Variants in SLC39A11 observed in about 807,000 individuals in gnomAD.
SLC39A11 encodes zinc transporter ZIP11.
SLC39A11 carries 33 observed loss-of-function variants against 36.1 expected under a neutral mutation model. That is an observed-to-expected ratio of 0.91 (90% CI 0.69 to 1.22). SLC39A11 has a LOEUF of 1.22. Among genes scored for constraint, SLC39A11 ranks in the 50% most tolerant of loss-of-function variants. The probability of loss-of-function intolerance (pLI) is 0.00; values close to 1 mark genes in which losing one functional copy is unlikely to be tolerated. For synonymous variants in SLC39A11, 166 were observed against 170.3 expected, an observed-to-expected ratio of 0.97 and a Z score of 0.20; for missense variants, 432 against 430.3, an observed-to-expected ratio of 1.00 and a Z score of -0.03.
At chr17:72,659,455 G>A (rs969706185) in intron 7 of SLC39A11, among the ~76,000 whole-genome samples, 1 of 152,144 alleles carries the variant, frequency 6.6e-6, no homozygotes, top group African/African-American at 2.4e-5. Flanking sequence ...AGATGATCTG[G>A]CGGGGTGAGC....
At chr17:72,760,166 A>T (rs1358254770) in intron 6 of SLC39A11, among the ~76,000 whole-genome samples, 2 of 152,154 alleles carry the variant, frequency 1.3e-5, no homozygotes, top group Non-Finnish European at 2.9e-5. Flanking sequence ...AGCTGGGATT[A>T]CAGGCACGTG....
intron 4 of SLC39A11, among the ~76,000 whole-genome samples, chr17:72,978,548 G>A (rs1052453543): frequency 1.3e-5 from 2 of 152,122 alleles, no homozygotes; most frequent in Admixed American, 1.3e-4. Context: ...ACAGAGCTTC[G>A]GGAACTCTGT....
At chr17:72,895,864 A>T (rs2082001198) in intron 5 of SLC39A11, among the ~76,000 whole-genome samples, 2 of 152,252 alleles carry the variant, frequency 1.3e-5, no homozygotes, top group South Asian at 4.1e-4. Context: ...TATTTTATTT[A>T]ACCAAATACT....
At chr17:72,872,911 C>T (rs946471399) in intron 5 of SLC39A11, among the ~76,000 whole-genome samples, 11 of 151,804 alleles carry the variant, frequency 7.2e-5, no homozygotes, top group African/African-American at 2.2e-4. Flanking sequence ...AAAAATTAGC[C>T]GGGCGTGGTG....
chr17:72,754,763 T>C (rs1428421321), intron 6 of SLC39A11, among the ~76,000 whole-genome samples: 1 of 152,140 alleles, frequency 6.6e-6, no homozygotes, highest in East Asian at 1.9e-4. Context: ...GATGCAGTGA[T>C]GATGCAGAGA....
At chr17:73,006,571 C>A (rs1370553559) in intron 4 of SLC39A11, among the ~76,000 whole-genome samples, 2 of 152,078 alleles carry the variant, frequency 1.3e-5, no homozygotes, top group African/African-American at 4.8e-5. Flanking sequence ...GTTCACCCTG[C>A]TTTAGTTCAC....
At chr17:72,898,174 C>T (rs1304419131) in intron 5 of SLC39A11, among the ~76,000 whole-genome samples, 1 of 152,140 alleles carries the variant, frequency 6.6e-6, no homozygotes. Context: ...AGACCAGTTC[C>T]AGTGGACAGA....
At position 72,947,743 on chromosome 17, in the gene SLC39A11, C is replaced by T. The variant is rs369166939; in HGVS notation, c.430+9G>A. ...GCAAAGAGCTTGCCTGAAAGAAGCC[C>T]AGCTCTACCTATCCGGATGGAAAGT... On this transcript the variant is annotated intron_variant, in intron 5 of 9. Coordinates refer to ENST00000255559, the MANE Select transcript of SLC39A11 (RefSeq NM_139177.4). 2.5e-6 allele frequency: 4 copies of T among 1,613,648 alleles called. No individual in the cohort carries two copies. The highest frequency in any genetic ancestry group is 3.4e-6 in the Non-Finnish European group (4 of 1,180,034).
chr17:73,020,575 C>A (rs146639613), intron 4 of SLC39A11, among the ~76,000 whole-genome samples: 19 of 152,112 alleles, frequency 1.2e-4, no homozygotes, highest in African/African-American at 4.3e-4. Flanking sequence ...CAAGTGAAAT[C>A]TGAAAAGAAC....
At chr17:72,749,565 C>T (rs373444837) in intron 6 of SLC39A11, among the ~76,000 whole-genome samples, 8 of 152,144 alleles carry the variant, frequency 5.3e-5, no homozygotes, top group Non-Finnish European at 1.0e-4. Context: ...TGTGGTCAGA[C>T]GGGAATTATT....
intron 7 of SLC39A11, among the ~76,000 whole-genome samples, chr17:72,688,992 G>C (rs1233565160): frequency 6.6e-6 from 1 of 152,108 alleles, no homozygotes; most frequent in African/African-American, 2.4e-5. Flanking sequence ...CTGGTGTTCT[G>C]TTTCCCCCCA....
intron 5 of SLC39A11, among the ~76,000 whole-genome samples, chr17:72,913,591 G>A (rs2083149944): frequency 6.6e-6 from 1 of 152,136 alleles, no homozygotes; most frequent in African/African-American, 2.4e-5. Context: ...GAGAGGTAGA[G>A]ATTTGGACTA....
At chr17:72,809,571 A>G (rs79871385) in intron 6 of SLC39A11, among the ~76,000 whole-genome samples, 1,888 of 152,216 alleles carry the variant, frequency 0.012, 53 homozygotes, top group African/African-American at 0.04. Context: ...CCATGGTTCA[A>G]ATATCTGAGG....
intron 4 of SLC39A11, among the ~76,000 whole-genome samples, chr17:73,021,166 C>T (rs567640529): frequency 2.0e-5 from 3 of 152,254 alleles, no homozygotes; most frequent in Admixed American, 2.0e-4. Flanking sequence ...ACACTACCAG[C>T]ACCACGATCA....
intron 3 of SLC39A11, among the ~76,000 whole-genome samples, chr17:73,053,614 G>A (rs891302013): frequency 2.0e-5 from 3 of 152,194 alleles, no homozygotes; most frequent in African/African-American, 7.2e-5. Flanking sequence ...GGCTTACAAA[G>A]TCTAGCTAAC....
At chr17:72,736,304 A>C (rs1190927513) in intron 7 of SLC39A11, among the ~76,000 whole-genome samples, 1 of 152,146 alleles carries the variant, frequency 6.6e-6, no homozygotes, top group African/African-American at 2.4e-5. Context: ...AGACAAAGGG[A>C]GGGCTTCAAA....
At chr17:73,068,461 C>T (rs559921754) in intron 3 of SLC39A11, among the ~76,000 whole-genome samples, 2 of 152,106 alleles carry the variant, frequency 1.3e-5, no homozygotes, top group Admixed American at 6.5e-5. Context: ...GGAGACCACC[C>T]CAACACATGC....
chr17:73,088,830 G>C (rs763848887), intron 1 of SLC39A11, 55 bp from the exon 2 acceptor site: 2 of 1,328,582 alleles, frequency 1.5e-6, no homozygotes, highest in South Asian at 2.5e-5. Context: ...AGTGACAGGC[G>C]CATATTCTGA....
At chr17:73,067,943 A>T in intron 3 of SLC39A11, 1 of 1,601,668 alleles carries the variant, frequency 6.2e-7, no homozygotes, top group Non-Finnish European at 8.5e-7. Context: ...GAGAGTTCCA[A>T]CTTCTTGGTC....
Sources: gnomAD v4.1 joint callset for allele counts (sites outside exome capture counted in the v4.1 genomes callset) on GRCh38, gnomAD v4.1.1 for gene constraint, MANE v1.5 for transcripts, NCBI Gene and HGNC (gene_info 2026-07-23, HGNC 2026-07-21) for gene names.